Variants in RTRAF observed in about 807,000 individuals in gnomAD.
The protein encoded by RTRAF is tRNA-splicing ligase complex subunit RTRAF.
RTRAF carries 14 observed loss-of-function variants against 34.4 expected under a neutral mutation model. That is an observed-to-expected ratio of 0.41 (90% confidence interval 0.27 to 0.64). The LOEUF (loss-of-function observed/expected upper bound fraction) is 0.64, where lower values mean the gene tolerates loss of function less well. Ranked by LOEUF, RTRAF falls within the 30% of genes least tolerant of loss-of-function variation. RTRAF has a pLI of 0.34. For missense variants in RTRAF, 291 were observed against 288.4 expected (o/e 1.01, Z -0.06); for synonymous variants, 96 against 95.3 (o/e 1.01, Z -0.04).
rs1374175712 is a variant in RTRAF at position 51,992,546 on chromosome 14, C to T, written c.186+1105C>T. Among the ~76,000 whole-genome samples the T allele has an allele frequency of 3.9e-5, 6 of 152,194 alleles. No individual in the cohort carries two copies. In the East Asian group the frequency reaches 1.2e-3, roughly 29 times the overall value. The stretch of plus-strand genomic sequence containing the variant: ...GCTTATTACTGCCAATGCCTCTATA[C>T]TACTACTATTAATACTACTGTATTC... On this transcript the variant is annotated intron_variant, in intron 2 of 7. Transcript: ENST00000261700.
At chr14:52,004,059 A>C in intron 6 of RTRAF, 135 bp from the exon 7 acceptor site, 1 of 760,978 alleles carries the variant, frequency 1.3e-6, no homozygotes. Context: ...AATATAAACA[A>C]AATTCCTAGT....
intron 5 of RTRAF, 108 bp downstream of exon 5, chr14:51,999,904 TACAC>T: frequency 1.4e-6 from 1 of 715,046 alleles, no homozygotes; most frequent in Non-Finnish European, 2.3e-6. Context: ...ATGACTAAAA[TACAC>T]AGAAGAATAT....
Position 52,007,453 on chromosome 14 carries a change from A to T in RTRAF, c.*2937A>T, listed in dbSNP as rs1371113477. The T allele has an allele frequency of 3.8e-6, 1 of 266,666 alleles. No homozygotes were observed. The highest frequency in any genetic ancestry group is 4.1e-5 in the South Asian group (1 of 24,210). 16.5% of individuals were successfully genotyped at this position (266,666 alleles called of 1,614,324 possible). ...ATGCTTTCCAAAGAATGTCCTTAGC[A>T]TTATAACAGATGTTTATAGGTAAGT... On this transcript the variant is annotated 3_prime_UTR_variant, in exon 8 of 8. Coordinates refer to ENST00000261700, the MANE Select transcript of RTRAF (RefSeq NM_016039.3).
In RTRAF at chr14:52,010,651, C is replaced by A. The variant is rs548297576; in HGVS notation, c.*6135C>A. 66 of 486,088 alleles carry A rather than the reference C, an allele frequency of 1.4e-4. No homozygotes were observed. The South Asian group carries it at 2.0e-3, about 15-fold the overall frequency. The allele number at this position is 486,088 out of a possible 1,614,324, so 30.1% of individuals were successfully genotyped here. ...ACATCACAGACTAATATTGTTTATA[C>A]CAGTCTTGTTTCCTCCTAATAAAAT... On this transcript the variant is annotated 3_prime_UTR_variant, in exon 8 of 8. Transcript: ENST00000261700.
Position 52,006,252 on chromosome 14 carries a change from G to A in RTRAF, c.*1736G>A. ...TCTTATTCTCTAAAGAACATATTTA[G>A]ATTAATATGCTCCCTTTTGAGACAT... On this transcript the variant is annotated 3_prime_UTR_variant, in exon 8 of 8. Coordinates refer to ENST00000261700, the MANE Select transcript of RTRAF (RefSeq NM_016039.3). The A allele has an allele frequency of 2.4e-6, 1 of 409,414 alleles. No homozygotes were observed. The highest frequency in any genetic ancestry group is 2.9e-5 in the South Asian group (1 of 34,540). The allele number at this position is 409,414 out of a possible 1,614,324, so 25.4% of individuals were successfully genotyped here. A position where few individuals can be genotyped will look rare whatever the true frequency, so the allele number is the denominator to read the frequency against.
chr14:52,006,129 A>G lies in RTRAF; in HGVS notation c.*1613A>G, dbSNP rs940439877. Reference sequence around the variant, plus strand: ...ATGTTCCACAGTTCCTCATTTGAGAACTAGTCTAAATAGTATTTTTCGGTC... The same window carrying G: ...ATGTTCCACAGTTCCTCATTTGAGAGCTAGTCTAAATAGTATTTTTCGGTC... On this transcript the variant is annotated 3_prime_UTR_variant, in exon 8 of 8. Transcript: ENST00000261700. The G allele has an allele frequency of 1.1e-5, 5 of 450,784 alleles. No homozygotes were observed. Among genetic ancestry groups the G allele is most frequent in the Non-Finnish European group, 2.0e-5 (5 of 244,248 alleles). The allele number at this position is 450,784 out of a possible 1,614,324, so 27.9% of individuals were successfully genotyped here.
chr14:52,007,758 C>G lies in RTRAF; in HGVS notation c.*3242C>G. ...TTTTGTAGTAAAATCTGTTAGTGCT[C>G]ACATTCACTGTGATGAGAGGTTATC... is the stretch of plus-strand genomic sequence containing the variant. On this transcript the variant is annotated 3_prime_UTR_variant, in exon 8 of 8. Transcript: ENST00000261700. 1.4e-6 allele frequency: 2 copies of G among 1,474,536 alleles called. No individual in the cohort carries two copies. The highest frequency in any genetic ancestry group is 1.9e-6 in the Non-Finnish European group (2 of 1,065,910). 91.3% of individuals were successfully genotyped at this position (1,474,536 alleles called of 1,614,324 possible).
At position 52,005,475 on chromosome 14, in the gene RTRAF, C is replaced by T. The variant is rs1051171051; in HGVS notation, c.*959C>T. The T allele has an allele frequency of 6.3e-7, 1 of 1,590,544 alleles. No individual in the cohort carries two copies. Reference sequence around the variant, plus strand: ...ATTGTAAACTCCAAGTCTTCCTTTACATTACTGTACTTACTTTCTTCCTGT... The same window carrying T: ...ATTGTAAACTCCAAGTCTTCCTTTATATTACTGTACTTACTTTCTTCCTGT... On this transcript the variant is annotated 3_prime_UTR_variant, in exon 8 of 8. Coordinates refer to ENST00000261700, the MANE Select transcript of RTRAF (RefSeq NM_016039.3).
chr14:51,998,613 A>G (rs373814435), intron 4 of RTRAF, 33 bp downstream of exon 4: 27 of 1,414,156 alleles, frequency 1.9e-5, no homozygotes, highest in Middle Eastern at 1.8e-4. Flanking sequence ...TTGAACATCA[A>G]CATTTTTGGT....
Position 52,004,629 on chromosome 14 carries a change from G to GGTATGTTCTAGAGATTTA in RTRAF, c.*114_*131dup, listed in dbSNP as rs1555361178. 2 of 1,063,780 alleles carry GGTATGTTCTAGAGATTTA rather than the reference G, an allele frequency of 1.9e-6. No individual in the cohort carries two copies. The highest frequency in any genetic ancestry group is 2.7e-6 in the Non-Finnish European group (2 of 752,694). The allele number at this position is 1,063,780 out of a possible 1,614,324, so 65.9% of individuals were successfully genotyped here. ...TCGGGGGAGGAAGCCCAGAAAATTG[G>GGTATGTTCTAGAGATTTA]GTATGTTCTAGAGATTTACCACCAT... On this transcript the variant is annotated 3_prime_UTR_variant, in exon 8 of 8. Transcript: ENST00000261700.
rs1028233891 is a variant in RTRAF, at chr14:52,006,017, A to G, written c.*1501A>G. 1 of 604,602 alleles carries G rather than the reference A, an allele frequency of 1.7e-6. No individual in the cohort carries two copies. The highest frequency in any genetic ancestry group is 1.9e-5 in the South Asian group (1 of 53,582). 37.5% of individuals were successfully genotyped at this position (604,602 alleles called of 1,614,324 possible). The stretch of plus-strand genomic sequence containing the variant: ...GTTTGAAGACCATTGCTCTAAATCC[A>G]TTGCTCATCTCTAGCTGCATGTTAG... On this transcript the variant is annotated 3_prime_UTR_variant, in exon 8 of 8. Transcript: ENST00000261700.
chr14:51,996,740 A>G (rs541185267), intron 3 of RTRAF, among the ~76,000 whole-genome samples: 2 of 152,050 alleles, frequency 1.3e-5, no homozygotes, highest in Non-Finnish European at 2.9e-5. Context: ...TACAGTGATC[A>G]AAATCAGGAA....
chr14:51,991,282 G>A (rs1890430138), intron 1 of RTRAF, 35 bp from the exon 2 acceptor site: 1 of 1,600,442 alleles, frequency 6.2e-7, no homozygotes, highest in Non-Finnish European at 8.6e-7. Flanking sequence ...TTTATGTAGT[G>A]CTTCTAGTTA....
At chr14:51,993,972 T>C in intron 3 of RTRAF, 150 bp downstream of exon 3, 1 of 534,526 alleles carries the variant, frequency 1.9e-6, no homozygotes, top group Non-Finnish European at 3.3e-6. Flanking sequence ...TTTATTGTCT[T>C]TCATTGGTGT....
chr14:52,005,647 GT>G lies in RTRAF; in HGVS notation c.*1132del, dbSNP rs915244160. The G allele has an allele frequency of 7.4e-7, 1 of 1,354,118 alleles. No homozygotes were observed. Among genetic ancestry groups the G allele is most frequent in the African/African-American group, 1.4e-5 (1 of 69,772 alleles). The allele number at this position is 1,354,118 out of a possible 1,614,324, so 83.9% of individuals were successfully genotyped here. On this transcript the variant is annotated 3_prime_UTR_variant, in exon 8 of 8. Transcript: ENST00000261700. Reference sequence around the variant, plus strand: ...GGGCAGGAAGAAGGCAATGGTGGCAGTGTCACAGGCAGCAGGGGTAATCAAA... The same window carrying G: ...GGGCAGGAAGAAGGCAATGGTGGCAGGTCACAGGCAGCAGGGGTAATCAAA...
At chr14:51,993,367 T>A (rs1454234075) in intron 2 of RTRAF, among the ~76,000 whole-genome samples, 2 of 152,166 alleles carry the variant, frequency 1.3e-5, no homozygotes, top group Non-Finnish European at 2.9e-5. Flanking sequence ...TTATTGTATA[T>A]CCTTTTTAAA....
rs1378554988 is a variant in RTRAF, at chr14:52,006,219, A to C, written c.*1703A>C. 9 of 393,964 alleles carry C rather than the reference A, an allele frequency of 2.3e-5. No individual in the cohort carries two copies. Among genetic ancestry groups the C allele is most frequent in the Non-Finnish European group, 4.2e-5 (9 of 212,326 alleles). The allele number at this position is 393,964 out of a possible 1,614,324, so 24.4% of individuals were successfully genotyped here. On this transcript the variant is annotated 3_prime_UTR_variant, in exon 8 of 8. Coordinates refer to ENST00000261700, the MANE Select transcript of RTRAF (RefSeq NM_016039.3). The stretch of plus-strand genomic sequence containing the variant: ...GCCCTGTAATATAGCTCATGGTATC[A>C]AGGGTAGTCTTATTCTCTAAAGAAC...
intron 3 of RTRAF, among the ~76,000 whole-genome samples, chr14:51,996,365 T>C (rs1383466846): frequency 2.0e-5 from 3 of 152,140 alleles, no homozygotes; most frequent in Non-Finnish European, 2.9e-5. Flanking sequence ...TACATTGATA[T>C]GTTGCCTCCT....
At position 52,006,805 on chromosome 14, in the gene RTRAF, C is replaced by T; in HGVS notation, c.*2289C>T. On this transcript the variant is annotated 3_prime_UTR_variant, in exon 8 of 8. Coordinates refer to ENST00000261700, the MANE Select transcript of RTRAF (RefSeq NM_016039.3). ...CATAGATTAGCAACTGTAAAATTAC[C>T]TGTCCTATTACTAGTCTCCAGTTTT... 1.2e-6 allele frequency: 1 copy of T among 801,606 alleles called. No individual in the cohort carries two copies. Among genetic ancestry groups the T allele is most frequent in the Non-Finnish European group, 1.9e-6 (1 of 514,468 alleles). The allele number at this position is 801,606 out of a possible 1,614,324, so 49.7% of individuals were successfully genotyped here. A position where few individuals can be genotyped will look rare whatever the true frequency, so the allele number is the denominator to read the frequency against.
Sources: allele counts gnomAD v4.1 joint callset (sites outside exome capture counted in the v4.1 genomes callset), GRCh38; gene constraint gnomAD v4.1.1; transcripts MANE v1.5; gene names NCBI Gene and HGNC (gene_info 2026-07-23, HGNC 2026-07-21).